Variants in CHCHD3 observed in about 807,000 individuals in gnomAD.
CHCHD3 encodes the protein coiled-coil-helix-coiled-coil-helix domain containing 3, also known as MICOS complex subunit MIC19.
In CHCHD3, 20 loss-of-function variants were observed where a neutral mutation model predicts 38.2. The observed-to-expected ratio is 0.52, with a 90% CI of 0.37 to 0.76. The LOEUF is 0.76. Ranked by LOEUF, CHCHD3 falls within the 30% of genes least tolerant of loss-of-function variation. The probability of loss-of-function intolerance (pLI) is 0.00; values close to 1 mark genes in which losing one functional copy is unlikely to be tolerated. For synonymous variants in CHCHD3, 82 were observed against 100.0 expected (o/e 0.82, Z 1.07); for missense variants, 245 against 279.2 (o/e 0.88, Z 0.87).
At chr7:132,820,747 T>A (rs10241280) in intron 6 of CHCHD3, among the ~76,000 whole-genome samples, 21,374 of 149,384 alleles carry the variant, frequency 0.14, 1,603 homozygotes, top group Middle Eastern at 0.2. Context: ...GAAAAAAAAA[T>A]ATATATATGG....
chr7:132,828,372 A>C (rs1025157826), intron 6 of CHCHD3, among the ~76,000 whole-genome samples: 1 of 152,084 alleles, frequency 6.6e-6, no homozygotes, highest in Admixed American at 6.5e-5. Flanking sequence ...TTCATGTGCT[A>C]TTTGGCCATT....
chr7:133,058,804 T>C (rs980386627), intron 2 of CHCHD3, among the ~76,000 whole-genome samples: 6 of 152,156 alleles, frequency 3.9e-5, no homozygotes, highest in African/African-American at 1.4e-4. Context: ...TAGCACACGG[T>C]GATGAGGTGA....
At chr7:132,817,570 C>T (rs892925967) in intron 6 of CHCHD3, among the ~76,000 whole-genome samples, 1 of 152,140 alleles carries the variant, frequency 6.6e-6, no homozygotes, top group Non-Finnish European at 1.5e-5. Flanking sequence ...AGACTCCTGC[C>T]ACCTCTGGGG....
chr7:132,885,547 C>T (rs917340508), intron 5 of CHCHD3, 115 bp downstream of exon 5: 7 of 792,834 alleles, frequency 8.8e-6, no homozygotes, highest in Non-Finnish European at 1.2e-5. Context: ...TCTTCACTTC[C>T]TGGCCACTTT....
chr7:132,914,258 G>C (rs1810045629), intron 4 of CHCHD3, among the ~76,000 whole-genome samples: 1 of 152,154 alleles, frequency 6.6e-6, no homozygotes, highest in Non-Finnish European at 1.5e-5. Flanking sequence ...AAAGTGCCGG[G>C]ATTACAGGCA....
chr7:133,070,008 T>C (rs1814772926), intron 2 of CHCHD3, 134 bp downstream of exon 2: 3 of 621,324 alleles, frequency 4.8e-6, no homozygotes, highest in Non-Finnish European at 8.3e-6. Flanking sequence ...CCAATACTGA[T>C]TTCTAATATT....
chr7:132,830,262 G>A (rs1019064925), intron 6 of CHCHD3, among the ~76,000 whole-genome samples: 8 of 152,084 alleles, frequency 5.3e-5, no homozygotes, highest in East Asian at 1.9e-4. Flanking sequence ...ACTTTCCTTG[G>A]ACTAATTTGT....
chr7:132,809,929 C>T (rs751844106), intron 6 of CHCHD3, among the ~76,000 whole-genome samples: 8 of 152,098 alleles, frequency 5.3e-5, no homozygotes, highest in Non-Finnish European at 8.8e-5. Flanking sequence ...AAACAACATA[C>T]GAATTTTGTA....
At chr7:132,870,554 A>C (rs1360079049) in intron 5 of CHCHD3, among the ~76,000 whole-genome samples, 1 of 152,128 alleles carries the variant, frequency 6.6e-6, no homozygotes, top group Non-Finnish European at 1.5e-5. Flanking sequence ...ATAATATTTT[A>C]TTTAATCTCC....
At chr7:133,009,363 C>CAA (rs71178076) in intron 3 of CHCHD3, among the ~76,000 whole-genome samples, 24,526 of 67,060 alleles carry the variant, frequency 0.37, 4,256 homozygotes, top group East Asian at 0.41. Context: ...GACTCTGTCT[C>CAA]AAAAAAAAAA....
At position 133,035,994 on chromosome 7, in the gene CHCHD3, T is replaced by C. The variant is rs770207391; in HGVS notation, c.170-11367A>G. On this transcript the variant is annotated intron_variant, in intron 2 of 7. Coordinates refer to ENST00000262570, the MANE Select transcript of CHCHD3 (RefSeq NM_017812.4). The surrounding 1 kb of genome is among the most constrained non-coding windows in gnomAD (Gnocchi z 4.7). ...GTAGGGGTCCTTAGGGGAACTGTTT[T>C]AATGAAACTAGTAATTAGAATACCA... 3.6e-5 allele frequency: 34 copies of C among 947,768 alleles called. No homozygotes were observed. The South Asian group carries it at 3.9e-4, about 11-fold the overall frequency. The allele number at this position is 947,768 out of a possible 1,614,324, so 58.7% of individuals were successfully genotyped here.
rs149242863 is a variant in CHCHD3, at chr7:132,855,098, G to A, written c.454-16629C>T. ...TAAACAAGGTCACACATTTGCTGGT[G>A]TTCCATAAGATATTAAGTGCCAGAA... is the stretch of plus-strand genomic sequence containing the variant. On this transcript the variant is annotated intron_variant, in intron 5 of 7. Transcript: ENST00000262570. 7.3e-3 allele frequency among the ~76,000 whole-genome samples: 1,110 copies of A among 152,300 alleles called. 13 individuals are homozygous for A. Among genetic ancestry groups the A allele is most frequent in the African/African-American group, 0.025 (1,028 of 41,560 alleles).
intron 3 of CHCHD3, among the ~76,000 whole-genome samples, chr7:132,989,489 C>T (rs536733341): frequency 2.0e-5 from 3 of 151,976 alleles, no homozygotes; most frequent in Non-Finnish European, 2.9e-5. Flanking sequence ...TTTCATCTCC[C>T]CCTTCCAGAT....
At chr7:132,912,756 T>C (rs887692204) in intron 4 of CHCHD3, among the ~76,000 whole-genome samples, 2 of 152,164 alleles carry the variant, frequency 1.3e-5, no homozygotes, top group Admixed American at 6.5e-5. Flanking sequence ...GGTTTCACCA[T>C]GTTAGCCAGG....
intron 5 of CHCHD3, among the ~76,000 whole-genome samples, chr7:132,854,439 G>T (rs564548790): frequency 1.3e-5 from 2 of 152,026 alleles, no homozygotes; most frequent in African/African-American, 2.4e-5. Flanking sequence ...GGACAGTTAC[G>T]CAACAGTTTC....
At chr7:132,844,963 G>A (rs1230504970) in intron 5 of CHCHD3, 1 of 152,250 alleles carries the variant, frequency 6.6e-6, no homozygotes, top group African/African-American at 2.4e-5. Context: ...AACAAACTGT[G>A]TGGGGAGACT....
At chr7:133,076,810 A>T (rs777703658) in intron 1 of CHCHD3, among the ~76,000 whole-genome samples, 2 of 152,212 alleles carry the variant, frequency 1.3e-5, no homozygotes, top group Non-Finnish European at 2.9e-5. Context: ...CCCTTCTAAG[A>T]GGTAAAGTTA....
intron 2 of CHCHD3, among the ~76,000 whole-genome samples, chr7:133,046,443 T>C (rs1037425899): frequency 2.0e-5 from 3 of 152,226 alleles, no homozygotes; most frequent in Non-Finnish European, 4.4e-5. Flanking sequence ...TACTTTGAAA[T>C]AATAGTAGTT....
intron 3 of CHCHD3, among the ~76,000 whole-genome samples, chr7:133,010,924 C>T (rs910409894): frequency 1.4e-4 from 21 of 151,816 alleles, no homozygotes; most frequent in African/African-American, 4.6e-4. Flanking sequence ...AAAAAGAATA[C>T]TATAAAGAAA....
Sources: allele counts gnomAD v4.1 joint callset (sites outside exome capture counted in the v4.1 genomes callset), GRCh38; gene constraint gnomAD v4.1.1; non-coding constraint Gnocchi (gnomAD v3.1); transcripts MANE v1.5; gene names NCBI Gene and HGNC (gene_info 2026-07-23, HGNC 2026-07-21).